CDH13: variants seen among roughly 807,000 people sequenced by gnomAD.
The protein encoded by CDH13 is cadherin 13, also known as cadherin-13.
CDH13 carries 24 observed loss-of-function variants against 63.8 expected under a neutral mutation model. That is an observed-to-expected ratio of 0.38 (90% CI 0.27 to 0.53). The LOEUF (loss-of-function observed/expected upper bound fraction) is 0.53. Among genes scored for constraint, CDH13 ranks in the 20% least tolerant of loss-of-function variants. The pLI is 0.85. For synonymous variants in CDH13, 503 were observed against 355.3 expected, an observed-to-expected ratio of 1.42 and a Z score of -4.67; for missense variants, 1,049 against 903.1, an observed-to-expected ratio of 1.16 and a Z score of -2.07.
At chr16:83,710,024 A>C (rs1907768169) in intron 10 of CDH13, among the ~76,000 whole-genome samples, 1 of 152,208 alleles carries the variant, frequency 6.6e-6, no homozygotes, top group Non-Finnish European at 1.5e-5. Context: ...AAAGGTGGTG[A>C]TCTTGCCCCC....
chr16:83,305,992 T>G (rs1225390450), intron 5 of CDH13, among the ~76,000 whole-genome samples: 1 of 152,206 alleles, frequency 6.6e-6, no homozygotes, highest in Non-Finnish European at 1.5e-5. Flanking sequence ...CTTGGCACTA[T>G]TTTCATTTGA....
At chr16:83,763,945 G>T (rs148733432) in intron 11 of CDH13, among the ~76,000 whole-genome samples, 2 of 152,164 alleles carry the variant, frequency 1.3e-5, no homozygotes, top group African/African-American at 4.8e-5. Context: ...GTTCAGCTCC[G>T]CATCTTAGCT....
chr16:82,720,007 G>A (rs1039492862), intron 1 of CDH13, among the ~76,000 whole-genome samples: 10 of 152,080 alleles, frequency 6.6e-5, no homozygotes, highest in African/African-American at 4.8e-5. Flanking sequence ...CTTACGGCAC[G>A]TTCCTGGTCA....
chr16:82,749,559 A>C (rs978882120), intron 1 of CDH13, among the ~76,000 whole-genome samples: 4 of 152,194 alleles, frequency 2.6e-5, no homozygotes, highest in African/African-American at 9.6e-5. Flanking sequence ...GTAAGGCTCT[A>C]ACTTGTTTAA....
intron 2 of CDH13, among the ~76,000 whole-genome samples, chr16:82,949,184 GT>G (rs1292835477): frequency 6.6e-6 from 1 of 152,186 alleles, no homozygotes; most frequent in Non-Finnish European, 1.5e-5. Flanking sequence ...TGAAATCAAA[GT>G]GCTGTCAAGG....
chr16:82,762,497 G>A (rs1597498845), intron 1 of CDH13, among the ~76,000 whole-genome samples: 1 of 152,286 alleles, frequency 6.6e-6, no homozygotes, highest in Admixed American at 6.5e-5. Flanking sequence ...AAACCCCTAA[G>A]TCAGTAATTC....
intron 5 of CDH13, among the ~76,000 whole-genome samples, chr16:83,284,466 C>T (rs1023255687): frequency 6.6e-6 from 1 of 152,054 alleles, no homozygotes. Context: ...AGTGAACTCT[C>T]AAAAAATGAT....
chr16:82,903,838 G>C (rs946819050), intron 2 of CDH13, among the ~76,000 whole-genome samples: 1 of 152,168 alleles, frequency 6.6e-6, no homozygotes, highest in African/African-American at 2.4e-5. Context: ...AGAGCACTGA[G>C]GTTGAGAGAG....
intron 7 of CDH13, among the ~76,000 whole-genome samples, chr16:83,599,737 T>TG (rs1384994312): frequency 2.0e-5 from 3 of 152,202 alleles, no homozygotes; most frequent in Admixed American, 6.5e-5. Flanking sequence ...AAAAATAATA[T>TG]GATATTTACC....
At chr16:83,236,114 G>A (rs1025644880) in intron 5 of CDH13, among the ~76,000 whole-genome samples, 4 of 152,064 alleles carry the variant, frequency 2.6e-5, no homozygotes, top group Non-Finnish European at 4.4e-5. Flanking sequence ...GTATGTGGAC[G>A]CTCTACTTCT....
chr16:83,196,194 T>C (rs1247813398), intron 4 of CDH13, among the ~76,000 whole-genome samples: 2 of 152,006 alleles, frequency 1.3e-5, no homozygotes, highest in African/African-American at 4.8e-5. Context: ...AGGCGGAGGT[T>C]GCAGTGAGCC....
At chr16:82,704,588 A>T (rs1169674657) in intron 1 of CDH13, among the ~76,000 whole-genome samples, 8 of 152,124 alleles carry the variant, frequency 5.3e-5, no homozygotes, top group Non-Finnish European at 1.2e-4. Context: ...TGCTGTGAAG[A>T]AGTGCTTAAG....
chr16:83,332,085 A>G (rs1353565597), intron 5 of CDH13, among the ~76,000 whole-genome samples: 1 of 152,152 alleles, frequency 6.6e-6, no homozygotes, highest in East Asian at 1.9e-4. Context: ...GTCAAACACT[A>G]TGAACTTTTT....
intron 2 of CDH13, among the ~76,000 whole-genome samples, chr16:82,890,308 G>A (rs2041034103): frequency 6.6e-6 from 1 of 152,172 alleles, no homozygotes; most frequent in African/African-American, 2.4e-5. Flanking sequence ...ATAGAACAGT[G>A]TATAGGCTGG....
rs563028367 is a variant in CDH13, at chr16:83,042,962, G to T, written c.366+10744G>T. Among the ~76,000 whole-genome samples the T allele has an allele frequency of 3.3e-5, 5 of 152,312 alleles. No individual in the cohort carries two copies. In the East Asian group the frequency reaches 7.7e-4, roughly 24 times the overall value. ...CTTCAAAAAACCTGTGAAGTACCAT[G>T]CTCCATGGCAAAAGCCTCCCCAGGT... On this transcript the variant is annotated intron_variant, in intron 3 of 13. Transcript: ENST00000567109.
intron 13 of CDH13, among the ~76,000 whole-genome samples, chr16:83,785,612 C>G (rs542376566): frequency 9.2e-5 from 14 of 152,294 alleles, no homozygotes; most frequent in African/African-American, 3.1e-4. Context: ...ATGTTCCCTT[C>G]GTGAGGGTAT....
intron 1 of CDH13, among the ~76,000 whole-genome samples, chr16:82,787,719 T>A (rs563594609): frequency 6.6e-6 from 1 of 152,312 alleles, no homozygotes; most frequent in South Asian, 2.1e-4. Context: ...CTGGACTCAA[T>A]CCCAAATTAG....
chr16:83,607,159 T>A (rs1219613464), intron 8 of CDH13, among the ~76,000 whole-genome samples: 1 of 152,224 alleles, frequency 6.6e-6, no homozygotes, highest in Non-Finnish European at 1.5e-5. Flanking sequence ...GGCTCACACC[T>A]GTAATCCCAG....
chr16:83,178,845 C>G (rs975368073), intron 4 of CDH13, among the ~76,000 whole-genome samples: 1 of 152,132 alleles, frequency 6.6e-6, no homozygotes, highest in Non-Finnish European at 1.5e-5. Context: ...CACAAATAGC[C>G]TGGCCTTGAA....
Sources: allele counts gnomAD v4.1 joint callset (sites outside exome capture counted in the v4.1 genomes callset), GRCh38; gene constraint gnomAD v4.1.1; transcripts MANE v1.5; gene names NCBI Gene and HGNC (gene_info 2026-07-23, HGNC 2026-07-21).